DNAJC3: variants seen among roughly 807,000 people sequenced by gnomAD.
DNAJC3 encodes the protein dnaJ homolog subfamily C member 3.
Under a neutral mutation model 68.6 loss-of-function variants are expected in DNAJC3, and 38 were observed. That is an observed-to-expected ratio of 0.55 (90% CI 0.43 to 0.73). The LOEUF (loss-of-function observed/expected upper bound fraction) is 0.73, where lower values mean the gene tolerates loss of function less well. Among genes scored for constraint, DNAJC3 ranks in the 30% least tolerant of loss-of-function variants. The pLI is 0.00. For synonymous variants in DNAJC3, 203 were observed against 204.0 expected (o/e 1.00, Z 0.04); for missense variants, 526 against 591.9 (o/e 0.89, Z 1.16).
chr13:95,783,690 G>C (rs1883515450), intron 9 of DNAJC3, among the ~76,000 whole-genome samples: 1 of 152,194 alleles, frequency 6.6e-6, no homozygotes, highest in African/African-American at 2.4e-5. Flanking sequence ...AAAGGTGGTG[G>C]TGGTTCGTTT....
chr13:95,737,559 T>C (rs1412517995), intron 4 of DNAJC3, among the ~76,000 whole-genome samples: 2 of 152,068 alleles, frequency 1.3e-5, no homozygotes, highest in East Asian at 3.8e-4. Flanking sequence ...AGAGAGTGTA[T>C]GTGTCCAGGA....
At chr13:95,730,110 G>GC (rs1376272218) in intron 4 of DNAJC3, among the ~76,000 whole-genome samples, 2 of 152,032 alleles carry the variant, frequency 1.3e-5, no homozygotes, top group Admixed American at 6.6e-5. Context: ...CCCTGCCTTA[G>GC]CCCCCCAAGT....
At chr13:95,744,265 T>C (rs1882237330) in intron 4 of DNAJC3, among the ~76,000 whole-genome samples, 1 of 152,208 alleles carries the variant, frequency 6.6e-6, no homozygotes, top group South Asian at 2.1e-4. Context: ...ATTCCAACTT[T>C]TGCATGGGAT....
intron 1 of DNAJC3, chr13:95,694,494 A>C (rs1486569183): frequency 1.3e-5 from 2 of 152,586 alleles, no homozygotes; most frequent in Non-Finnish European, 2.9e-5. Context: ...AGCATATGTC[A>C]TTATTCCCAC....
In DNAJC3 at chr13:95,765,393, T is replaced by G. The variant is rs550091581; in HGVS notation, c.1075+1440T>G. On this transcript the variant is annotated intron_variant, in intron 9 of 11. Transcript: ENST00000602402. ...AAATTAGAGAAGCTACAGAAGAATATAAAGAGCTTAGCTGTTAAAAAAAAA... is the reference window on the plus strand; with the variant it reads ...AAATTAGAGAAGCTACAGAAGAATAGAAAGAGCTTAGCTGTTAAAAAAAAA... Among the ~76,000 whole-genome samples, 13 of 142,378 alleles carry G rather than the reference T, an allele frequency of 9.1e-5. No individual in the cohort carries two copies. In the South Asian group the frequency reaches 2.8e-3, roughly 31 times the overall value. 93.4% of individuals were successfully genotyped at this position (142,378 alleles called of 152,430 possible). A position where few individuals can be genotyped will look rare whatever the true frequency, so the allele number is the denominator to read the frequency against.
chr13:95,763,949 T>G lies in DNAJC3; in HGVS notation c.1071T>G (p.Asp357Glu), dbSNP rs144733045. ...AEAYLIEEMY[D>E]EAIQDYETAQ... The stretch of plus-strand genomic sequence containing the variant: ...CCTATTTGATAGAGGAAATGTATGA[T>G]GAAGGTAAATCTTTAAGGATTTGAT... Residue 357 changes from aspartate (D) to glutamate (E), a missense_variant, in exon 9 of 12, where the codon GAT (aspartate) becomes GAG (glutamate). By Grantham distance (45) the Asp-to-Glu change is conservative. Coordinates refer to ENST00000602402, the MANE Select transcript of DNAJC3 (RefSeq NM_006260.5). 75 of 1,613,732 alleles carry G rather than the reference T, an allele frequency of 4.6e-5. No individual in the cohort carries two copies. The African/African-American group carries it at 8.7e-4, about 19-fold the overall frequency.
intron 9 of DNAJC3, among the ~76,000 whole-genome samples, chr13:95,780,035 C>T (rs951868028): frequency 3.3e-5 from 5 of 152,132 alleles, no homozygotes; most frequent in Non-Finnish European, 7.3e-5. Context: ...GCATGTAAGG[C>T]GTGCTGGGGC....
chr13:95,682,861 G>T (rs1371481345), intron 1 of DNAJC3, among the ~76,000 whole-genome samples: 1 of 152,140 alleles, frequency 6.6e-6, no homozygotes. Flanking sequence ...ATTTTATTCT[G>T]ATGAATTATA....
At chr13:95,761,319 A>G (rs1882813234) in intron 7 of DNAJC3, among the ~76,000 whole-genome samples, 1 of 152,152 alleles carries the variant, frequency 6.6e-6, no homozygotes, top group Non-Finnish European at 1.5e-5. Flanking sequence ...AGAATAAGTA[A>G]AAGTGGACAG....
At chr13:95,764,038 A>G (rs2139678029) in intron 9 of DNAJC3, 85 bp downstream of exon 9, 3 of 1,543,204 alleles carry the variant, frequency 1.9e-6, no homozygotes, top group Non-Finnish European at 2.6e-6. Context: ...CTTAAAACAA[A>G]TTTACCAGAG....
chr13:95,762,968 A>G (rs1215190589), intron 7 of DNAJC3, among the ~76,000 whole-genome samples: 2 of 152,210 alleles, frequency 1.3e-5, no homozygotes, highest in Admixed American at 1.3e-4. Flanking sequence ...ACATTGGCAT[A>G]TTTACATATG....
At position 95,688,968 on chromosome 13, in the gene DNAJC3, G is replaced by GCA. The variant is rs770924616; in HGVS notation, c.82+11632_82+11633insAC. Among the ~76,000 whole-genome samples the GCA allele has an allele frequency of 2.6e-3, 389 of 150,022 alleles. 3 individuals are homozygous for GCA. The highest frequency in any genetic ancestry group is 9.1e-3 in the African/African-American group (369 of 40,704). The stretch of plus-strand genomic sequence containing the variant: ...TGTGTGTGTGTGTGTGTGTGTGTGC[G>GCA]CGCTGTTGGATTTAGTTTGCTAGTA... On this transcript the variant is annotated intron_variant, in intron 1 of 11. Coordinates refer to ENST00000602402, the MANE Select transcript of DNAJC3 (RefSeq NM_006260.5).
intron 1 of DNAJC3, among the ~76,000 whole-genome samples, chr13:95,704,643 CAT>C (rs1172731501): frequency 6.6e-6 from 1 of 152,078 alleles, no homozygotes; most frequent in Non-Finnish European, 1.5e-5. Flanking sequence ...CAGGCAAATT[CAT>C]ATCTGGAATA....
intron 4 of DNAJC3, among the ~76,000 whole-genome samples, chr13:95,746,269 A>T (rs1882303670): frequency 6.6e-6 from 1 of 152,214 alleles, no homozygotes; most frequent in African/African-American, 2.4e-5. Flanking sequence ...GAACATACAT[A>T]TTTGCTTGAA....
At chr13:95,730,137 A>G (rs977670865) in intron 4 of DNAJC3, among the ~76,000 whole-genome samples, 10 of 152,024 alleles carry the variant, frequency 6.6e-5, no homozygotes, top group Admixed American at 3.9e-4. Context: ...GACTACATGT[A>G]TGTATCACTA....
At chr13:95,721,643 T>G (rs1317085528) in intron 2 of DNAJC3, among the ~76,000 whole-genome samples, 5 of 151,844 alleles carry the variant, frequency 3.3e-5, no homozygotes, top group African/African-American at 9.7e-5. Flanking sequence ...TGTGTGTGTT[T>G]TTTTTTTTTT....
At position 95,792,792 on chromosome 13, in the gene DNAJC3, C is replaced by G. The variant is rs17880519; in HGVS notation, c.*1762C>G. The G allele has an allele frequency of 2.6e-5, 4 of 152,114 alleles. No individual in the cohort carries two copies. The highest frequency in any genetic ancestry group is 2.6e-4 in the Admixed American group (4 of 15,266). 9.4% of individuals were successfully genotyped at this position (152,114 alleles called of 1,614,324 possible). The stretch of plus-strand genomic sequence containing the variant: ...GCATTTCTGTTTATTCTTTAGTAAT[C>G]TCACTACTGGCTATGTCAGCAATAT... On this transcript the variant is annotated 3_prime_UTR_variant, in exon 12 of 12. Transcript: ENST00000602402.
intron 4 of DNAJC3, among the ~76,000 whole-genome samples, chr13:95,751,621 G>A (rs932752859): frequency 6.6e-6 from 1 of 152,136 alleles, no homozygotes; most frequent in Non-Finnish European, 1.5e-5. Flanking sequence ...AAAACAGAGT[G>A]GTTTGATTAA....
chr13:95,750,245 A>C (rs1178160043), intron 4 of DNAJC3, among the ~76,000 whole-genome samples: 1 of 142,608 alleles, frequency 7.0e-6, no homozygotes, highest in Non-Finnish European at 1.5e-5. Flanking sequence ...GCCTGGTGAC[A>C]GTGCAAGACC....
Sources: gnomAD v4.1 joint callset for allele counts (sites outside exome capture counted in the v4.1 genomes callset) on GRCh38, gnomAD v4.1.1 for gene constraint, MANE v1.5 for transcripts, NCBI Gene and HGNC (gene_info 2026-07-23, HGNC 2026-07-21) for gene names.